CRISPLD1: variants seen among roughly 807,000 people sequenced by gnomAD.
The protein encoded by CRISPLD1 is cysteine rich secretory protein LCCL domain containing 1.
Under a neutral mutation model 77.5 loss-of-function variants are expected in CRISPLD1, and 60 were observed. That is an observed-to-expected ratio of 0.77 (90% CI 0.63 to 0.96). CRISPLD1 has a LOEUF of 0.96. Among genes scored for constraint, CRISPLD1 ranks in the 40% least tolerant of loss-of-function variants. The pLI is 0.00. For synonymous variants in CRISPLD1, 195 were observed against 200.1 expected, an observed-to-expected ratio of 0.97 and a Z score of 0.22; for missense variants, 623 against 615.8, an observed-to-expected ratio of 1.01 and a Z score of -0.12.
intron 6 of CRISPLD1, among the ~76,000 whole-genome samples, chr8:75,015,164 G>C (rs1813006424): frequency 6.6e-6 from 1 of 152,010 alleles, no homozygotes; most frequent in African/African-American, 2.4e-5. Flanking sequence ...ACCCCAGAAT[G>C]ACAAGTATAT....
chr8:74,991,676 G>C (rs1039244530), intron 2 of CRISPLD1, among the ~76,000 whole-genome samples: 1 of 152,108 alleles, frequency 6.6e-6, no homozygotes, highest in Non-Finnish European at 1.5e-5. Flanking sequence ...AATGGTGGGC[G>C]TGTGTCACTT....
At chr8:75,001,534 G>A (rs7005401) in intron 2 of CRISPLD1, among the ~76,000 whole-genome samples, 39,910 of 152,112 alleles carry the variant, frequency 0.26, 7,088 homozygotes, top group African/African-American at 0.51. Context: ...GAATTTCAGA[G>A]TAAAGCAGTG....
intron 12 of CRISPLD1, among the ~76,000 whole-genome samples, 188 bp downstream of exon 12, chr8:75,020,267 T>C (rs1036481457): frequency 6.6e-6 from 1 of 152,258 alleles, no homozygotes; most frequent in African/African-American, 2.4e-5. Flanking sequence ...AAGTATTCTC[T>C]GCTATTTCAT....
At chr8:74,994,609 G>A (rs577541440) in intron 2 of CRISPLD1, among the ~76,000 whole-genome samples, 3 of 152,164 alleles carry the variant, frequency 2.0e-5, no homozygotes, top group South Asian at 4.1e-4. Context: ...GGATAGATAC[G>A]CCTGCTGTTT....
Position 75,033,904 on chromosome 8 carries a change from CCTT to C in CRISPLD1, c.*1666_*1668del, listed in dbSNP as rs951404503. ...CTTTTTTCGAAAGGATACATGACCA[CCTT>C]CTTAAATAGTATGACTTTACATAGA... is the stretch of plus-strand genomic sequence containing the variant. On this transcript the variant is annotated 3_prime_UTR_variant, in exon 15 of 15. Transcript: ENST00000262207. 7 of 152,024 alleles carry C rather than the reference CCTT, an allele frequency of 4.6e-5. No homozygotes were observed. The highest frequency in any genetic ancestry group is 7.2e-5 in the African/African-American group (3 of 41,450). The allele number at this position is 152,024 out of a possible 1,614,324, so 9.4% of individuals were successfully genotyped here. A position where few individuals can be genotyped will look rare whatever the true frequency, so the allele number is the denominator to read the frequency against.
intron 9 of CRISPLD1, 78 bp downstream of exon 9, chr8:75,017,191 C>G: frequency 6.6e-7 from 1 of 1,504,074 alleles, no homozygotes; most frequent in Non-Finnish European, 9.2e-7. Context: ...AAAATAACAC[C>G]TTACATAAGT....
chr8:75,004,468 A>T (rs540083192), intron 2 of CRISPLD1, among the ~76,000 whole-genome samples: 1 of 152,312 alleles, frequency 6.6e-6, no homozygotes, highest in East Asian at 1.9e-4. Context: ...TACAGATTTT[A>T]TAATGAGTCA....
intron 2 of CRISPLD1, chr8:75,000,550 C>A: frequency 2.7e-6 from 1 of 364,054 alleles, no homozygotes. Flanking sequence ...ATGCCTATTG[C>A]CCTCCCTGTT....
rs1214590959 is a variant in CRISPLD1, at chr8:75,020,320, T to C, written c.1244+241T>C. On this transcript the variant is annotated intron_variant, in intron 12 of 14. Transcript: ENST00000262207. ...ATGTAATCTGTATGTTCATCTGTGA[T>C]ACAAAGAGTGCCTTATTAGTCTGCT... 3.9e-5 allele frequency among the ~76,000 whole-genome samples: 6 copies of C among 152,258 alleles called. No homozygotes were observed. In the East Asian group the frequency reaches 1.2e-3, roughly 29 times the overall value.
chr8:75,023,111 C>T (rs1472211499), intron 12 of CRISPLD1, among the ~76,000 whole-genome samples: 3 of 149,440 alleles, frequency 2.0e-5, no homozygotes, highest in Non-Finnish European at 4.4e-5. Context: ...CGGACCAGTA[C>T]CTACCTTCTC....
Position 75,032,382 on chromosome 8 carries a change from TAAACAAAGTCTATA to T in CRISPLD1, c.*144_*157del. 1 of 463,748 alleles carries T rather than the reference TAAACAAAGTCTATA, an allele frequency of 2.2e-6. No individual in the cohort carries two copies. Among genetic ancestry groups the T allele is most frequent in the Non-Finnish European group, 3.9e-6 (1 of 259,314 alleles). 28.7% of individuals were successfully genotyped at this position (463,748 alleles called of 1,614,324 possible). ...GGTGCCAAATGCATATAAATCTTGA[TAAACAAAGTCTATA>T]AAATAAAACATGGGACATTAGCTTT... On this transcript the variant is annotated 3_prime_UTR_variant, in exon 15 of 15. Transcript: ENST00000262207.
intron 9 of CRISPLD1, 73 bp downstream of exon 9, chr8:75,017,186 AAC>A: frequency 6.6e-7 from 1 of 1,514,512 alleles, no homozygotes; most frequent in Non-Finnish European, 9.1e-7. Context: ...TGTGCAAAAT[AAC>A]ACCTTACATA....
intron 13 of CRISPLD1, among the ~76,000 whole-genome samples, chr8:75,028,259 A>G (rs1813268986): frequency 6.6e-6 from 1 of 152,202 alleles, no homozygotes; most frequent in African/African-American, 2.4e-5. Context: ...GGAAAGGATT[A>G]AACAGCTTGG....
chr8:74,985,002 TA>T (rs35842052), intron 1 of CRISPLD1, 82 bp downstream of exon 1: 24,639 of 139,168 alleles, frequency 0.18, 3,484 homozygotes, highest in African/African-American at 0.41. Context: ...AAACTGTACT[TA>T]AAAAAAAAAA....
intron 2 of CRISPLD1, among the ~76,000 whole-genome samples, chr8:74,998,620 G>A (rs1335917741): frequency 1.4e-5 from 2 of 141,624 alleles, no homozygotes; most frequent in Non-Finnish European, 3.0e-5. Context: ...CCTGGGAGAC[G>A]GAGGTTTTAG....
chr8:75,025,532 A>T lies in CRISPLD1; in HGVS notation c.1245-14A>T, dbSNP rs113506162. On this transcript the variant is annotated splice_polypyrimidine_tract_variant and intron_variant, in intron 12 of 14. Transcript: ENST00000262207. ...AGCTTACTTAATATATATATAATAT[A>T]TTATTTTTTTCAGAGTATACTGTCC... 8.9e-4 allele frequency: 1,160 copies of T among 1,305,878 alleles called. 16 individuals are homozygous for T. In the East Asian group the frequency reaches 0.015, roughly 17 times the overall value. The allele number at this position is 1,305,878 out of a possible 1,614,324, so 80.9% of individuals were successfully genotyped here.
chr8:74,987,095 A>C (rs898297724), intron 2 of CRISPLD1, among the ~76,000 whole-genome samples: 8 of 152,116 alleles, frequency 5.3e-5, no homozygotes, highest in Non-Finnish European at 1.0e-4. Flanking sequence ...ATTGCAGTTA[A>C]TTTTCATACA....
intron 2 of CRISPLD1, chr8:75,000,231 C>CAAATCTGTA (rs1182077525): frequency 2.0e-6 from 2 of 985,002 alleles, no homozygotes; most frequent in Non-Finnish European, 2.4e-6. Flanking sequence ...CAAGACGTGT[C>CAAATCTGTA]AAATCTGTAT....
chr8:74,986,774 G>A (rs528906593), intron 2 of CRISPLD1, among the ~76,000 whole-genome samples: 1 of 152,156 alleles, frequency 6.6e-6, no homozygotes, highest in East Asian at 1.9e-4. Flanking sequence ...TCTCCCCTTG[G>A]ATTTATTATT....
Sources: gnomAD v4.1 joint callset for allele counts (sites outside exome capture counted in the v4.1 genomes callset) on GRCh38, gnomAD v4.1.1 for gene constraint, MANE v1.5 for transcripts, NCBI Gene and HGNC (gene_info 2026-07-23, HGNC 2026-07-21) for gene names.